Variants in NAV2 observed in about 807,000 individuals in gnomAD.
NAV2 encodes helicase, APC down-regulated 1.
A neutral mutation model predicts 223.2 loss-of-function variants in NAV2; 54 were observed. The ratio of observed to expected loss-of-function variants is 0.24; its 90% confidence interval spans 0.19 to 0.30. The LOEUF (loss-of-function observed/expected upper bound fraction) is 0.30, where lower values mean the gene tolerates loss of function less well. NAV2 is among the 10% of genes least tolerant of loss of function. NAV2 has a pLI of 1.00. For missense variants in NAV2, 2,806 were observed against 3,147.5 expected (o/e 0.89, Z 2.60); for synonymous variants, 1,279 against 1,239.3 (o/e 1.03, Z -0.67).
chr11:19,739,702 G>T (rs1397858022), intron 1 of NAV2, among the ~76,000 whole-genome samples: 3 of 152,154 alleles, frequency 2.0e-5, no homozygotes, highest in Admixed American at 2.0e-4. Flanking sequence ...GCCCCTATGG[G>T]AATTTGAGTT....
rs1266452309 is a variant in NAV2 at position 20,105,747 on chromosome 11, CA to C, written c.6841+21del. On this transcript the variant is annotated intron_variant, in intron 35 of 37. Coordinates refer to ENST00000349880, the MANE Select transcript of NAV2 (RefSeq NM_145117.5). ...CCATCGGTGGGTGGGAGACTGGGGT[CA>C]GGGGGGCGGGCTGGCATCCTCAGGT... The C allele has an allele frequency of 3.1e-6, 5 of 1,600,636 alleles. No individual in the cohort carries two copies. Among genetic ancestry groups the C allele is most frequent in the African/African-American group, 1.3e-5 (1 of 74,670 alleles).
At chr11:19,971,035 C>T (rs1186836024) in intron 10 of NAV2, among the ~76,000 whole-genome samples, 3 of 152,028 alleles carry the variant, frequency 2.0e-5, no homozygotes, top group Non-Finnish European at 4.4e-5. Flanking sequence ...TCCTGTATTT[C>T]GACATTAATA....
At chr11:19,969,185 A>G (rs1251323475) in intron 10 of NAV2, among the ~76,000 whole-genome samples, 5 of 152,178 alleles carry the variant, frequency 3.3e-5, no homozygotes. Flanking sequence ...TACTGCTTTC[A>G]CTTTTCTAAG....
intron 6 of NAV2, among the ~76,000 whole-genome samples, chr11:19,932,257 A>AAAAAAAAAAAAAG (rs1555153008): frequency 3.4e-4 from 34 of 100,012 alleles, no homozygotes; most frequent in East Asian, 1.1e-3. Context: ...AAAAAAAAAA[A>AAAAAAAAAAAAAG]AAAGAAAGAA....
At chr11:19,875,211 G>A (rs2062764677) in intron 4 of NAV2, among the ~76,000 whole-genome samples, 1 of 152,130 alleles carries the variant, frequency 6.6e-6, no homozygotes, top group African/African-American at 2.4e-5. Flanking sequence ...TCAACTTACT[G>A]TAGGGTTATG....
chr11:19,817,700 G>A (rs1330174237), intron 1 of NAV2, among the ~76,000 whole-genome samples: 1 of 152,194 alleles, frequency 6.6e-6, no homozygotes, highest in African/African-American at 2.4e-5. Context: ...CACGCTGAGA[G>A]GTCCTGCAAA....
intron 1 of NAV2, among the ~76,000 whole-genome samples, chr11:19,459,868 G>C (rs898905679): frequency 1.3e-5 from 2 of 152,218 alleles, no homozygotes; most frequent in Admixed American, 1.3e-4. Context: ...AGCCTGAGTT[G>C]TGTCTTAGGA....
chr11:19,490,890 A>G (rs1223023767), intron 1 of NAV2, among the ~76,000 whole-genome samples: 1 of 152,202 alleles, frequency 6.6e-6, no homozygotes, highest in Non-Finnish European at 1.5e-5. Context: ...CAAAGTTGTA[A>G]TTATTCCTTG....
At chr11:19,730,401 C>G (rs2051653157) in intron 1 of NAV2, among the ~76,000 whole-genome samples, 1 of 152,218 alleles carries the variant, frequency 6.6e-6, no homozygotes. Context: ...AAAGTGCCTT[C>G]CAGAGGGGCT....
In NAV2 at chr11:19,979,509, A is replaced by C. The variant is rs143685991; in HGVS notation, c.2646-4616A>C. ...TTGCATAGGTTATCCATGTGTCTAG[A>C]TGGATCCTCTTTTGGCTGGCAAACT... On this transcript the variant is annotated intron_variant, in intron 10 of 37. Transcript: ENST00000349880. Among the ~76,000 whole-genome samples the C allele has an allele frequency of 4.3e-3, 649 of 152,208 alleles. 3 individuals are homozygous for C. The highest frequency in any genetic ancestry group is 0.015 in the African/African-American group (619 of 41,510).
intron 11 of NAV2, among the ~76,000 whole-genome samples, chr11:19,990,902 T>C (rs927271507): frequency 6.6e-6 from 1 of 152,206 alleles, no homozygotes; most frequent in Non-Finnish European, 1.5e-5. Flanking sequence ...ACCATCACAG[T>C]TATATTGCCA....
intron 11 of NAV2, among the ~76,000 whole-genome samples, chr11:20,017,748 C>T (rs1171514410): frequency 6.6e-6 from 1 of 152,212 alleles, no homozygotes; most frequent in African/African-American, 2.4e-5. Context: ...AAATAATAAA[C>T]TCCCTAGTAT....
intron 1 of NAV2, among the ~76,000 whole-genome samples, chr11:19,666,840 G>A (rs74934854): frequency 0.014 from 2,073 of 152,236 alleles, 52 homozygotes; most frequent in African/African-American, 0.048. Flanking sequence ...AAATGCAGGT[G>A]TTTAGGTATC....
chr11:20,073,924 C>CT (rs779473653), intron 22 of NAV2, among the ~76,000 whole-genome samples: 6 of 152,082 alleles, frequency 3.9e-5, no homozygotes, highest in Non-Finnish European at 5.9e-5. Context: ...TTTTGTGTCT[C>CT]TATCTCCTTC....
intron 1 of NAV2, among the ~76,000 whole-genome samples, chr11:19,612,386 C>A (rs1427212510): frequency 6.6e-6 from 1 of 152,238 alleles, no homozygotes; most frequent in Non-Finnish European, 1.5e-5. Context: ...TCTCCCCAGA[C>A]AGTGGGTTTT....
At chr11:19,609,989 C>A (rs1374804259) in intron 1 of NAV2, among the ~76,000 whole-genome samples, 1 of 152,210 alleles carries the variant, frequency 6.6e-6, no homozygotes, top group Non-Finnish European at 1.5e-5. Flanking sequence ...AGTATAATCC[C>A]AATTTTACAA....
At chr11:19,858,661 A>C (rs1400604790) in intron 3 of NAV2, among the ~76,000 whole-genome samples, 1 of 152,210 alleles carries the variant, frequency 6.6e-6, no homozygotes, top group Non-Finnish European at 1.5e-5. Context: ...CTCCTTAGCC[A>C]AAACTATTTG....
chr11:19,981,025 A>G (rs139286858), intron 10 of NAV2, among the ~76,000 whole-genome samples: 34 of 152,294 alleles, frequency 2.2e-4, no homozygotes, highest in African/African-American at 7.2e-4. Context: ...CATTTTCCTT[A>G]TCACTCTGCC....
intron 12 of NAV2, among the ~76,000 whole-genome samples, chr11:20,042,208 G>T (rs1041780275): frequency 2.6e-4 from 39 of 152,222 alleles, no homozygotes; most frequent in African/African-American, 9.2e-4. Context: ...CTGTAAGATT[G>T]AGATAAAGAT....
Sources: gnomAD v4.1 joint callset for allele counts (sites outside exome capture counted in the v4.1 genomes callset) on GRCh38, gnomAD v4.1.1 for gene constraint, MANE v1.5 for transcripts, NCBI Gene and HGNC (gene_info 2026-07-23, HGNC 2026-07-21) for gene names.